Variants in SLC35F4 observed in about 807,000 individuals in gnomAD.
SLC35F4 encodes chromosome 14 open reading frame 36.
Under a neutral mutation model 44.2 loss-of-function variants are expected in SLC35F4, and 24 were observed. That is an observed-to-expected ratio of 0.54 (90% CI 0.39 to 0.76). The LOEUF is 0.76. Ranked by LOEUF, SLC35F4 falls within the 30% of genes least tolerant of loss-of-function variation. The pLI is 0.00. For synonymous variants in SLC35F4, 238 were observed against 223.6 expected, an observed-to-expected ratio of 1.06 and a Z score of -0.57; for missense variants, 562 against 586.1, an observed-to-expected ratio of 0.96 and a Z score of 0.42.
At chr14:57,839,119 G>T (rs1885236534) in intron 1 of SLC35F4, among the ~76,000 whole-genome samples, 1 of 151,972 alleles carries the variant, frequency 6.6e-6, no homozygotes. Context: ...TGACCTCTGG[G>T]GCTTAAAATC....
In SLC35F4 at chr14:57,589,251, A is replaced by G. The variant is rs1189206675; in HGVS notation, c.552T>C (p.Thr184=). Residue 184 remains threonine, a synonymous_variant, in exon 3 of 8, where the codon ACT becomes ACC. Transcript: ENST00000556826. The part of the protein sequence containing the change: ...FPVYYSGHLA[T]AQEKQSPMKK... ...TCATTGGAGATTGCTTTTCTTGAGCAGTGGCTAGATGACCAGAATAATAGA... is the reference window on the plus strand; with the variant it reads ...TCATTGGAGATTGCTTTTCTTGAGCGGTGGCTAGATGACCAGAATAATAGA... 6 of 1,611,996 alleles carry G rather than the reference A, an allele frequency of 3.7e-6. No individual in the cohort carries two copies. The highest frequency in any genetic ancestry group is 4.2e-6 in the Non-Finnish European group (5 of 1,179,080).
intron 1 of SLC35F4, among the ~76,000 whole-genome samples, chr14:57,709,266 T>A (rs1158910374): frequency 6.6e-6 from 1 of 152,096 alleles, no homozygotes; most frequent in African/African-American, 2.4e-5. Flanking sequence ...GCAATGGGTG[T>A]CTTCCCAGAT....
rs185489034 is a variant in SLC35F4, at chr14:57,726,544, A to G, written c.104-132420T>C. On this transcript the variant is annotated intron_variant, in intron 1 of 7. Transcript: ENST00000556826. The stretch of plus-strand genomic sequence containing the variant: ...ACATGACGTAAGATTTATTGACTTC[A>G]TATCAGCATTTAAGTATTGTTAACT... 2.6e-3 allele frequency among the ~76,000 whole-genome samples: 402 copies of G among 152,334 alleles called. 4 individuals are homozygous for G. The highest frequency in any genetic ancestry group is 8.9e-3 in the African/African-American group (370 of 41,574).
intron 1 of SLC35F4, among the ~76,000 whole-genome samples, chr14:57,856,957 A>G (rs914534935): frequency 4.6e-5 from 7 of 152,040 alleles, no homozygotes; most frequent in Non-Finnish European, 7.3e-5. Context: ...CAGTAACTTT[A>G]TTCTACTCTG....
At chr14:57,586,951 T>C (rs1447632787) in intron 3 of SLC35F4, among the ~76,000 whole-genome samples, 2 of 40,058 alleles carry the variant, frequency 5.0e-5, no homozygotes, top group African/African-American at 1.1e-4. Context: ...TTAAACAAAT[T>C]TACAAGAAAA....
chr14:57,623,349 A>G (rs1465364421), intron 1 of SLC35F4, among the ~76,000 whole-genome samples: 1 of 152,198 alleles, frequency 6.6e-6, no homozygotes, highest in African/African-American at 2.4e-5. Context: ...TTAGACTCCC[A>G]CACAATAATA....
At chr14:57,898,349 A>C (rs1888928218) in intron 1 of SLC35F4, among the ~76,000 whole-genome samples, 1 of 152,364 alleles carries the variant, frequency 6.6e-6, no homozygotes, top group Admixed American at 6.5e-5. Flanking sequence ...ACATGCATTC[A>C]TGGCATACAA....
chr14:57,637,317 C>T (rs1219845248), intron 1 of SLC35F4, among the ~76,000 whole-genome samples: 1 of 152,072 alleles, frequency 6.6e-6, no homozygotes, highest in Non-Finnish European at 1.5e-5. Context: ...TTGAACTCCT[C>T]CTCCTTCAGT....
upstream of SLC35F4, among the ~76,000 whole-genome samples, chr14:57,866,850 C>G (rs937531239): frequency 6.6e-6 from 1 of 151,834 alleles, no homozygotes; most frequent in South Asian, 2.1e-4. Context: ...GAACACCCTC[C>G]CCTCAGGTGT....
intron 1 of SLC35F4, among the ~76,000 whole-genome samples, chr14:57,958,544 C>T (rs531951351): frequency 6.7e-6 from 1 of 149,596 alleles, no homozygotes; most frequent in South Asian, 2.1e-4. Flanking sequence ...GAGTTTCTTT[C>T]TAGGGGTTGA....
chr14:57,676,869 C>T (rs1041578870), intron 1 of SLC35F4, among the ~76,000 whole-genome samples: 1 of 152,030 alleles, frequency 6.6e-6, no homozygotes, highest in African/African-American at 2.4e-5. Context: ...CCTTAAAGAA[C>T]TAAAAACAGG....
chr14:57,903,097 T>A (rs1377510549), intron 1 of SLC35F4, among the ~76,000 whole-genome samples: 2 of 152,250 alleles, frequency 1.3e-5, no homozygotes, highest in East Asian at 3.8e-4. Context: ...ATTAGTTTGC[T>A]GCAATGTGTT....
chr14:57,910,865 A>C (rs1889204203), intron 1 of SLC35F4, among the ~76,000 whole-genome samples: 1 of 152,022 alleles, frequency 6.6e-6, no homozygotes, highest in Non-Finnish European at 1.5e-5. Context: ...GTTGGACAAA[A>C]AGTGACATTA....
At chr14:57,675,660 T>C (rs939432956) in intron 1 of SLC35F4, among the ~76,000 whole-genome samples, 4 of 152,122 alleles carry the variant, frequency 2.6e-5, no homozygotes, top group South Asian at 4.1e-4. Flanking sequence ...TTGTCATATA[T>C]TGCTTTTATT....
chr14:57,669,477 T>C (rs28790414), intron 1 of SLC35F4, among the ~76,000 whole-genome samples: 94,778 of 151,278 alleles, frequency 0.63, 30,019 homozygotes, highest in South Asian at 0.71. Context: ...TTGTCATAGA[T>C]AGCTCCTATT....
chr14:57,612,169 T>C (rs2071549948), intron 1 of SLC35F4, among the ~76,000 whole-genome samples: 1 of 152,102 alleles, frequency 6.6e-6, no homozygotes, highest in Non-Finnish European at 1.5e-5. Context: ...GAAGATCACT[T>C]GAGCCCAGAA....
intron 1 of SLC35F4, among the ~76,000 whole-genome samples, chr14:57,683,706 G>C (rs2074978511): frequency 6.6e-6 from 1 of 152,032 alleles, no homozygotes; most frequent in Admixed American, 6.6e-5. Context: ...TTTTAAAATT[G>C]GTCTACTCCA....
chr14:57,750,718 T>C (rs1254394435), intron 1 of SLC35F4, among the ~76,000 whole-genome samples: 1 of 150,824 alleles, frequency 6.6e-6, no homozygotes, highest in African/African-American at 2.4e-5. Context: ...TGCTTTTTAA[T>C]GGAATTATTT....
chr14:57,861,974 A>G (rs1887718035), intron 1 of SLC35F4, among the ~76,000 whole-genome samples: 1 of 152,142 alleles, frequency 6.6e-6, no homozygotes, highest in Non-Finnish European at 1.5e-5. Flanking sequence ...CTTAATTTAT[A>G]TCTCCAATCA....
Sources: gnomAD v4.1 joint callset for allele counts (sites outside exome capture counted in the v4.1 genomes callset) on GRCh38, gnomAD v4.1.1 for gene constraint, MANE v1.5 for transcripts, NCBI Gene and HGNC (gene_info 2026-07-23, HGNC 2026-07-21) for gene names.